The following IL1RAPL2 variants were observed in gnomAD, a reference collection of about 807,000 sequenced individuals.
IL1RAPL2 encodes the protein X-linked interleukin-1 receptor accessory protein-like 2.
IL1RAPL2 carries 3 observed loss-of-function variants against 44.1 expected under a neutral mutation model. The ratio of observed to expected loss-of-function variants is 0.07; its 90% CI spans 0.03 to 0.18. IL1RAPL2 has a LOEUF of 0.18. Among genes scored for constraint, IL1RAPL2 ranks in the 10% least tolerant of loss-of-function variants. IL1RAPL2 has a pLI of 1.00. For synonymous variants in IL1RAPL2, 181 were observed against 178.8 expected (o/e 1.01, Z -0.10); for missense variants, 391 against 496.4 (o/e 0.79, Z 2.02).
At chrX:105,359,949 A>C (rs917251483) in intron 5 of IL1RAPL2, among the ~76,000 whole-genome samples, 2 of 110,989 alleles carry the variant, frequency 1.8e-5, no homozygotes, top group African/African-American at 6.5e-5. Context: ...CCACGATCAC[A>C]TAGCAAGAAT....
At chrX:104,784,079 T>C (rs755893675) in intron 2 of IL1RAPL2, among the ~76,000 whole-genome samples, 20 of 111,903 alleles carry the variant, frequency 1.8e-4, no homozygotes, top group African/African-American at 2.6e-4. Context: ...CCTAATATAA[T>C]CCCTGTTTTA....
In IL1RAPL2 at chrX:104,951,990, A is replaced by G. The variant is rs180731691; in HGVS notation, c.83-243485A>G. Among the ~76,000 whole-genome samples the G allele has an allele frequency of 2.3e-3, 253 of 112,328 alleles. 1 individual carries two copies. The highest frequency in any genetic ancestry group is 7.7e-3 in the African/African-American group (238 of 30,937). ...ACTGTAATGCAGCTGCCTTGACAAC[A>G]TGTTCCAATCAGCCACATTACTGAG... On this transcript the variant is annotated intron_variant, in intron 2 of 10. Coordinates refer to ENST00000372582, the MANE Select transcript of IL1RAPL2 (RefSeq NM_017416.2).
intron 2 of IL1RAPL2, among the ~76,000 whole-genome samples, chrX:104,946,102 T>A (rs1394486489): frequency 9.1e-6 from 1 of 109,585 alleles, no homozygotes; most frequent in African/African-American, 3.3e-5. Flanking sequence ...CGATTTTTTT[T>A]AATGTAAAAA....
At chrX:105,099,260 G>A (rs2032640644) in intron 2 of IL1RAPL2, among the ~76,000 whole-genome samples, 1 of 110,626 alleles carries the variant, frequency 9.0e-6, no homozygotes, top group South Asian at 3.9e-4. Flanking sequence ...TTAAAAAATA[G>A]CTGAGGCTGG....
intron 6 of IL1RAPL2, among the ~76,000 whole-genome samples, chrX:105,521,100 A>AT (rs2036553962): frequency 1.0e-5 from 1 of 97,238 alleles, no homozygotes; most frequent in African/African-American, 4.2e-5. Flanking sequence ...AAGCCCGGCT[A>AT]ATTTTTTTTT....
intron 6 of IL1RAPL2, among the ~76,000 whole-genome samples, chrX:105,514,649 G>A (rs2036498285): frequency 9.0e-6 from 1 of 111,657 alleles, no homozygotes; most frequent in African/African-American, 3.2e-5. Flanking sequence ...GAGGTATACA[G>A]GTAGCCCAAG....
intron 5 of IL1RAPL2, among the ~76,000 whole-genome samples, chrX:105,384,576 T>C (rs375549319): frequency 2.7e-5 from 3 of 111,716 alleles, no homozygotes; most frequent in East Asian, 5.6e-4. Flanking sequence ...TACTCAGGAC[T>C]GCTTTGACTA....
intron 2 of IL1RAPL2, among the ~76,000 whole-genome samples, chrX:104,717,725 AG>A (rs1178004384): frequency 2.7e-5 from 3 of 109,136 alleles, no homozygotes; most frequent in Non-Finnish European, 3.8e-5. Context: ...CTCGTCATTT[AG>A]CGTTAGGTAT....
chrX:104,876,061 A>T (rs1213916543), intron 2 of IL1RAPL2, among the ~76,000 whole-genome samples: 2 of 111,277 alleles, frequency 1.8e-5, no homozygotes, highest in Non-Finnish European at 3.8e-5. Flanking sequence ...TAGTGGGTTG[A>T]ATGATTTCTC....
chrX:104,946,202 C>T (rs1267139794), intron 2 of IL1RAPL2, among the ~76,000 whole-genome samples: 1 of 100,720 alleles, frequency 9.9e-6, no homozygotes, highest in Non-Finnish European at 2.0e-5. Context: ...GAAACCCCGT[C>T]TCTACTAAAA....
chrX:104,774,689 G>A (rs1396099476), intron 2 of IL1RAPL2, among the ~76,000 whole-genome samples: 1 of 112,093 alleles, frequency 8.9e-6, no homozygotes, highest in East Asian at 2.8e-4. Flanking sequence ...TTGATAGGAA[G>A]CAGAAGAGTG....
intron 2 of IL1RAPL2, among the ~76,000 whole-genome samples, chrX:104,856,694 A>T (rs1291811282): frequency 8.9e-6 from 1 of 112,037 alleles, no homozygotes; most frequent in Non-Finnish European, 1.9e-5. Context: ...ACACTCATAC[A>T]CTGATTGATT....
intron 2 of IL1RAPL2, among the ~76,000 whole-genome samples, chrX:105,063,633 C>A (rs777633057): frequency 8.9e-6 from 1 of 111,886 alleles, no homozygotes; most frequent in Admixed American, 9.5e-5. Flanking sequence ...TCAGTGTCTG[C>A]AAATTGATGA....
chrX:105,412,485 A>G (rs1025980032), intron 5 of IL1RAPL2, among the ~76,000 whole-genome samples: 2 of 110,123 alleles, frequency 1.8e-5, no homozygotes, highest in Non-Finnish European at 3.8e-5. Flanking sequence ...TGTGGTATCT[A>G]AAAAAAGAAA....
At chrX:104,910,490 G>A (rs1050125190) in intron 2 of IL1RAPL2, among the ~76,000 whole-genome samples, 2 of 111,585 alleles carry the variant, frequency 1.8e-5, no homozygotes, top group Admixed American at 9.5e-5. Context: ...TCTACATTAG[G>A]TATTTCTTCT....
chrX:104,668,389 A>C (rs1238150477), intron 2 of IL1RAPL2, among the ~76,000 whole-genome samples: 1 of 106,620 alleles, frequency 9.4e-6, no homozygotes, highest in Non-Finnish European at 1.9e-5. Context: ...GGTTAGTTAC[A>C]TATGTATACA....
chrX:105,219,883 G>A, intron 3 of IL1RAPL2: 1 of 1,079,175 alleles, frequency 9.3e-7, no homozygotes, highest in Non-Finnish European at 1.2e-6. Context: ...GGGTGGAGAG[G>A]GGTGGGAATG....
At chrX:105,477,820 T>C (rs781748303) in intron 5 of IL1RAPL2, among the ~76,000 whole-genome samples, 2 of 112,086 alleles carry the variant, frequency 1.8e-5, no homozygotes, top group South Asian at 7.4e-4. Context: ...TATTGCTCTC[T>C]TTTGGAATTA....
At chrX:104,835,278 CTG>C (rs890998324) in intron 2 of IL1RAPL2, among the ~76,000 whole-genome samples, 1 of 110,556 alleles carries the variant, frequency 9.0e-6, no homozygotes, top group Admixed American at 9.7e-5. Context: ...CAGTGATTCT[CTG>C]TGTTACCTGT....
Sources: allele counts gnomAD v4.1 joint callset (sites outside exome capture counted in the v4.1 genomes callset), GRCh38; gene constraint gnomAD v4.1.1; transcripts MANE v1.5; gene names NCBI Gene and HGNC (gene_info 2026-07-23, HGNC 2026-07-21).